RASGRF2: variants seen among roughly 807,000 people sequenced by gnomAD.
RASGRF2 encodes ras-specific guanine nucleotide-releasing factor 2.
Under a neutral mutation model 151.0 loss-of-function variants are expected in RASGRF2, and 76 were observed. The observed-to-expected ratio is 0.50, with a 90% confidence interval of 0.42 to 0.61. RASGRF2 has a LOEUF of 0.61. RASGRF2 is among the 20% of genes least tolerant of loss of function. The pLI is 0.00. For missense variants in RASGRF2, 1,148 were observed against 1,564.6 expected (o/e 0.73, Z 4.49); for synonymous variants, 504 against 566.5 (o/e 0.89, Z 1.57).
At chr5:81,170,243 C>T (rs867005600) in intron 17 of RASGRF2, among the ~76,000 whole-genome samples, 1 of 152,274 alleles carries the variant, frequency 6.6e-6, no homozygotes, top group East Asian at 1.9e-4. Context: ...ATCTGCATCA[C>T]CTGCATCACT....
chr5:81,044,465 G>A (rs1287060179), intron 2 of RASGRF2, among the ~76,000 whole-genome samples: 1 of 151,872 alleles, frequency 6.6e-6, no homozygotes, highest in Admixed American at 6.6e-5. Flanking sequence ...GTGAGTTCAG[G>A]CTGTTCTTTG....
chr5:81,182,453 A>G (rs1754937798), intron 18 of RASGRF2, among the ~76,000 whole-genome samples: 1 of 152,148 alleles, frequency 6.6e-6, no homozygotes, highest in Admixed American at 6.5e-5. Flanking sequence ...TGTGCAGGAC[A>G]TTTCTGTGAA....
intron 1 of RASGRF2, among the ~76,000 whole-genome samples, chr5:80,968,788 A>T: frequency 6.6e-6 from 1 of 151,878 alleles, no homozygotes; most frequent in South Asian, 2.1e-4. Context: ...AGCTCTAGCG[A>T]TCCTCCTTCC....
chr5:81,180,094 T>C, intron 17 of RASGRF2, 81 bp from the exon 18 acceptor site: 1 of 771,502 alleles, frequency 1.3e-6, no homozygotes, highest in South Asian at 1.5e-5. Flanking sequence ...CGTTAACCAA[T>C]GTCCTAAAAT....
chr5:81,180,712 C>G (rs939825684), intron 18 of RASGRF2, among the ~76,000 whole-genome samples: 2 of 140,428 alleles, frequency 1.4e-5, no homozygotes, highest in African/African-American at 2.6e-5. Flanking sequence ...CACGGTCCCC[C>G]CTGGAGGTAA....
chr5:81,138,778 T>TC (rs201355604), intron 17 of RASGRF2, among the ~76,000 whole-genome samples: 2 of 147,022 alleles, frequency 1.4e-5, no homozygotes, highest in African/African-American at 2.5e-5. Flanking sequence ...TTTTTTTTTT[T>TC]CCAGAGTTTG....
rs1754381943 is a variant in RASGRF2 at position 81,161,448 on chromosome 5, C to T, written c.2687-18727C>T. On this transcript the variant is annotated intron_variant, in intron 17 of 26. Coordinates refer to ENST00000265080, the MANE Select transcript of RASGRF2 (RefSeq NM_006909.3). ...ATTGGAGAGCATTTCTGAGGTATGACCTTGAAAGAAAATAGCCTTTTTCAT... is the reference window on the plus strand; with the variant it reads ...ATTGGAGAGCATTTCTGAGGTATGATCTTGAAAGAAAATAGCCTTTTTCAT... 2.0e-5 allele frequency among the ~76,000 whole-genome samples: 3 copies of T among 152,116 alleles called. No homozygotes were observed. In the South Asian group the frequency reaches 6.2e-4, roughly 32 times the overall value.
At chr5:81,064,857 T>C (rs1439288393) in intron 2 of RASGRF2, among the ~76,000 whole-genome samples, 1 of 152,214 alleles carries the variant, frequency 6.6e-6, no homozygotes, top group African/African-American at 2.4e-5. Context: ...GGTTATGTTA[T>C]ATGGCAAAGG....
At chr5:81,104,350 C>T (rs1363554843) in intron 12 of RASGRF2, among the ~76,000 whole-genome samples, 4 of 151,918 alleles carry the variant, frequency 2.6e-5, no homozygotes, top group Non-Finnish European at 4.4e-5. Context: ...TCTTAAATTT[C>T]TAACTATAAA....
chr5:81,036,775 C>T (rs1405740656), intron 1 of RASGRF2, among the ~76,000 whole-genome samples: 1 of 152,038 alleles, frequency 6.6e-6, no homozygotes, highest in Non-Finnish European at 1.5e-5. Context: ...CAGAGATTTT[C>T]CTATGTTACA....
intron 1 of RASGRF2, among the ~76,000 whole-genome samples, chr5:81,029,244 G>A (rs1345154750): frequency 2.0e-5 from 3 of 152,226 alleles, no homozygotes; most frequent in Non-Finnish European, 4.4e-5. Flanking sequence ...TGAACAAAAG[G>A]CAGCAGAAAC....
chr5:81,132,354 T>G (rs1002161745), intron 17 of RASGRF2, among the ~76,000 whole-genome samples: 1 of 152,160 alleles, frequency 6.6e-6, no homozygotes, highest in Non-Finnish European at 1.5e-5. Flanking sequence ...AGTGCTGTGG[T>G]GTTTTTAAAT....
Position 81,094,320 on chromosome 5 carries a change from G to A in RASGRF2, c.1576G>A (p.Asp526Asn), listed in dbSNP as rs750555964. 6.2e-7 allele frequency: 1 copy of A among 1,613,472 alleles called. No homozygotes were observed. ...LKTGGVLSLI[D>N]CTLIEEPDAS... ...GACAGGTGGGGTTCTGTCTCTAATA[G>A]ACTGCACATTGATTGAGGAGCCAGA... Residue 526 changes from aspartate (D) to asparagine (N), a missense_variant, in exon 11 of 27, where the codon GAC (aspartate) becomes AAC (asparagine). By Grantham distance (23) the Asp-to-Asn change is conservative. Around this residue, in one of 5 missense-constraint regions of RASGRF2, gnomAD observed 646 missense variants for 807.4 expected, o/e 0.80. Coordinates refer to ENST00000265080, the MANE Select transcript of RASGRF2 (RefSeq NM_006909.3).
intron 7 of RASGRF2, among the ~76,000 whole-genome samples, chr5:81,082,941 C>T (rs1752127051): frequency 6.6e-6 from 1 of 152,214 alleles, no homozygotes; most frequent in African/African-American, 2.4e-5. Flanking sequence ...TGCCCAAGGG[C>T]CTTATGCTCG....
chr5:81,011,709 C>G (rs1749466984), intron 1 of RASGRF2, among the ~76,000 whole-genome samples: 1 of 151,600 alleles, frequency 6.6e-6, no homozygotes, highest in East Asian at 1.9e-4. Flanking sequence ...CCATTGCACT[C>G]CAGCCTGGGC....
At chr5:81,005,132 C>G (rs1749222564) in intron 1 of RASGRF2, among the ~76,000 whole-genome samples, 1 of 152,154 alleles carries the variant, frequency 6.6e-6, no homozygotes, top group African/African-American at 2.4e-5. Flanking sequence ...TCCTTTGTGT[C>G]TGGTTTCATT....
chr5:81,142,959 T>A (rs1036469091), intron 17 of RASGRF2, among the ~76,000 whole-genome samples: 1 of 152,108 alleles, frequency 6.6e-6, no homozygotes, highest in South Asian at 2.1e-4. Flanking sequence ...GCTCTCAGGA[T>A]GTGGCCTCCA....
At chr5:81,070,322 G>T in intron 3 of RASGRF2, 170 bp from the exon 4 acceptor site, 1 of 582,124 alleles carries the variant, frequency 1.7e-6, no homozygotes. Flanking sequence ...ACCATGCTTG[G>T]GGTAAAGTTC....
At chr5:81,030,703 A>G (rs571973913) in intron 1 of RASGRF2, among the ~76,000 whole-genome samples, 1 of 152,226 alleles carries the variant, frequency 6.6e-6, no homozygotes, top group Non-Finnish European at 1.5e-5. Flanking sequence ...AACAGGCCAA[A>G]TTGTAAAGAC....
Sources: allele counts gnomAD v4.1 joint callset (sites outside exome capture counted in the v4.1 genomes callset), GRCh38; gene constraint gnomAD v4.1.1; regional missense constraint gnomAD v4.1.1; transcripts MANE v1.5; gene names NCBI Gene and HGNC (gene_info 2026-07-23, HGNC 2026-07-21).